The following SERPINI1 variants were observed in gnomAD, a reference collection of about 807,000 sequenced individuals.
The protein encoded by SERPINI1 is serpin family I member 1, also known as neuroserpin.
Under a neutral mutation model 41.1 loss-of-function variants are expected in SERPINI1, and 19 were observed. That is an observed-to-expected ratio of 0.46 (90% confidence interval 0.32 to 0.68). The LOEUF (loss-of-function observed/expected upper bound fraction) is 0.68. Among genes scored for constraint, SERPINI1 ranks in the 30% least tolerant of loss-of-function variants. The pLI is 0.03. For missense variants in SERPINI1, 460 were observed against 479.2 expected (o/e 0.96, Z 0.37); for synonymous variants, 138 against 156.6 (o/e 0.88, Z 0.89).
chr3:167,808,995 CAG>C (rs1474071591), intron 6 of SERPINI1, among the ~76,000 whole-genome samples: 1 of 152,154 alleles, frequency 6.6e-6, no homozygotes, highest in African/African-American at 2.4e-5. Flanking sequence ...ACCCCTCGTT[CAG>C]AGAGCTTACA....
At chr3:167,763,453 C>A (rs772407555) in intron 1 of SERPINI1, among the ~76,000 whole-genome samples, 7 of 151,734 alleles carry the variant, frequency 4.6e-5, no homozygotes, top group African/African-American at 1.7e-4. Context: ...GATCTTGGCT[C>A]ACTGCAACCT....
chr3:167,741,959 A>G (rs1384930051), intron 1 of SERPINI1, among the ~76,000 whole-genome samples: 1 of 152,192 alleles, frequency 6.6e-6, no homozygotes, highest in Admixed American at 6.5e-5. Context: ...CACAAGGTAT[A>G]TTAACTAAAT....
At chr3:167,790,703 G>A (rs1577419390) in intron 3 of SERPINI1, 101 bp downstream of exon 3, 1 of 886,250 alleles carries the variant, frequency 1.1e-6, no homozygotes, top group South Asian at 1.5e-5. Flanking sequence ...TTGAATGTTT[G>A]AGAGCATTTA....
intron 5 of SERPINI1, among the ~76,000 whole-genome samples, chr3:167,806,167 T>C (rs1205270425): frequency 1.3e-5 from 2 of 152,180 alleles, no homozygotes; most frequent in Admixed American, 1.3e-4. Flanking sequence ...TTCATTTCCT[T>C]TGCAGGGACA....
chr3:167,799,154 C>T (rs34157426), intron 5 of SERPINI1, among the ~76,000 whole-genome samples: 13,162 of 152,042 alleles, frequency 0.087, 653 homozygotes, highest in South Asian at 0.13. Flanking sequence ...CAACCCATCA[C>T]CTACATTAGG....
intron 5 of SERPINI1, among the ~76,000 whole-genome samples, chr3:167,806,486 A>G (rs993844108): frequency 6.6e-6 from 1 of 152,164 alleles, no homozygotes; most frequent in African/African-American, 2.4e-5. Flanking sequence ...CAGAACTTAA[A>G]GTAAAAAAAA....
At chr3:167,818,129 G>T (rs1478128323) in intron 6 of SERPINI1, among the ~76,000 whole-genome samples, 1 of 151,574 alleles carries the variant, frequency 6.6e-6, no homozygotes, top group Non-Finnish European at 1.5e-5. Flanking sequence ...GGGTTCAAGA[G>T]ATTCTCCTGT....
Position 167,789,004 on chromosome 3 carries a change from T to G in SERPINI1, c.-18-107T>G, listed in dbSNP as rs147919170. The stretch of plus-strand genomic sequence containing the variant: ...GAACTTAGCAGTGTTATTTGTTCAT[T>G]TAACTGTTAATTGACTTTTTAAAAG... On this transcript the variant is annotated intron_variant, in intron 1 of 8. Coordinates refer to ENST00000446050, the MANE Select transcript of SERPINI1 (RefSeq NM_001122752.2). 4.5e-4 allele frequency: 472 copies of G among 1,049,284 alleles called. 3 individuals carry two copies. In the African/African-American group the frequency reaches 6.7e-3, roughly 15 times the overall value. 65.0% of individuals were successfully genotyped at this position (1,049,284 alleles called of 1,614,324 possible).
intron 5 of SERPINI1, among the ~76,000 whole-genome samples, chr3:167,803,489 G>A (rs1454402168): frequency 3.3e-5 from 5 of 151,914 alleles, no homozygotes; most frequent in Admixed American, 6.6e-5. Context: ...TCTACTCCTC[G>A]TTGCATGCCT....
intron 1 of SERPINI1, among the ~76,000 whole-genome samples, chr3:167,787,277 A>AT (rs1727346402): frequency 6.6e-6 from 1 of 152,262 alleles, no homozygotes; most frequent in East Asian, 1.9e-4. Flanking sequence ...TATAACAGTT[A>AT]TTTTTTTAAA....
chr3:167,756,495 A>C (rs1726196809), intron 1 of SERPINI1, among the ~76,000 whole-genome samples: 1 of 151,954 alleles, frequency 6.6e-6, no homozygotes, highest in Non-Finnish European at 1.5e-5. Context: ...TTTTTAGTAG[A>C]GATAGAGTTT....
intron 1 of SERPINI1, among the ~76,000 whole-genome samples, chr3:167,766,263 C>T (rs558124007): frequency 5.3e-5 from 8 of 151,872 alleles, no homozygotes; most frequent in Non-Finnish European, 1.2e-4. Flanking sequence ...ACTTCCAGTC[C>T]CACATGACTG....
intron 6 of SERPINI1, among the ~76,000 whole-genome samples, chr3:167,820,057 A>G (rs1174460164): frequency 6.6e-6 from 1 of 152,178 alleles, no homozygotes; most frequent in Admixed American, 6.5e-5. Flanking sequence ...TGGCTTAAAA[A>G]ACAGAAATTT....
At chr3:167,780,282 G>T (rs910731904) in intron 1 of SERPINI1, among the ~76,000 whole-genome samples, 2 of 152,038 alleles carry the variant, frequency 1.3e-5, no homozygotes, top group African/African-American at 4.8e-5. Flanking sequence ...GCATTTCAAA[G>T]AATACTGGGA....
intron 1 of SERPINI1, among the ~76,000 whole-genome samples, chr3:167,744,761 TTA>T (rs1358176261): frequency 9.4e-6 from 1 of 106,090 alleles, no homozygotes; most frequent in Non-Finnish European, 1.9e-5. Flanking sequence ...TATTTATATA[TTA>T]AATATATATT....
At chr3:167,801,413 T>A (rs1405770866) in intron 5 of SERPINI1, among the ~76,000 whole-genome samples, 1 of 152,192 alleles carries the variant, frequency 6.6e-6, no homozygotes, top group Non-Finnish European at 1.5e-5. Context: ...AAATGTAAAA[T>A]CTACTTCTAA....
intron 6 of SERPINI1, among the ~76,000 whole-genome samples, chr3:167,812,878 A>G (rs1711940908): frequency 6.6e-6 from 1 of 152,150 alleles, no homozygotes; most frequent in Non-Finnish European, 1.5e-5. Context: ...ATGCTCATCT[A>G]CTTGCAGCGA....
chr3:167,737,224 T>G (rs1304708109), intron 1 of SERPINI1, among the ~76,000 whole-genome samples: 10 of 152,244 alleles, frequency 6.6e-5, no homozygotes, highest in Admixed American at 2.0e-4. Context: ...CTTTTCAGTG[T>G]GTATACTCTT....
At chr3:167,787,453 G>A (rs1727352087) in intron 1 of SERPINI1, among the ~76,000 whole-genome samples, 1 of 152,190 alleles carries the variant, frequency 6.6e-6, no homozygotes, top group South Asian at 2.1e-4. Context: ...TAAAGCTTCT[G>A]CCTTTTCCTG....
Sources: allele counts gnomAD v4.1 joint callset (sites outside exome capture counted in the v4.1 genomes callset), GRCh38; gene constraint gnomAD v4.1.1; transcripts MANE v1.5; gene names NCBI Gene and HGNC (gene_info 2026-07-23, HGNC 2026-07-21).